Variants in GALNTL6 observed in about 807,000 individuals in gnomAD.
GALNTL6 encodes polypeptide N-acetylgalactosaminyltransferase like 6, also known as polypeptide N-acetylgalactosaminyltransferase-like 6.
GALNTL6 carries 46 observed loss-of-function variants against 73.7 expected under a neutral mutation model. The observed-to-expected ratio is 0.62, with a 90% CI of 0.49 to 0.80. The LOEUF is 0.80. Ranked by LOEUF, GALNTL6 falls within the 30% of genes least tolerant of loss-of-function variation. The pLI is 0.00. For synonymous variants in GALNTL6, 259 were observed against 263.7 expected (o/e 0.98, Z 0.17); for missense variants, 604 against 755.0 (o/e 0.80, Z 2.34).
chr4:172,844,757 A>G (rs1440291512), intron 7 of GALNTL6, among the ~76,000 whole-genome samples: 1 of 152,172 alleles, frequency 6.6e-6, no homozygotes, highest in East Asian at 1.9e-4. Flanking sequence ...CCACAGGTCA[A>G]TTATGCAAGC....
intron 5 of GALNTL6, among the ~76,000 whole-genome samples, chr4:172,400,612 A>C (rs1024602780): frequency 1.3e-5 from 2 of 152,146 alleles, no homozygotes; most frequent in Non-Finnish European, 2.9e-5. Flanking sequence ...CATCATGTTT[A>C]GAAGGTGATG....
chr4:172,618,487 G>A (rs1738829650), intron 5 of GALNTL6, among the ~76,000 whole-genome samples: 1 of 151,956 alleles, frequency 6.6e-6, no homozygotes, highest in African/African-American at 2.4e-5. Context: ...TGCTTTCTTT[G>A]GTAATAAATT....
chr4:172,349,305 T>A (rs1741861624), intron 5 of GALNTL6, among the ~76,000 whole-genome samples: 1 of 152,140 alleles, frequency 6.6e-6, no homozygotes, highest in South Asian at 2.1e-4. Flanking sequence ...TAATTTACTT[T>A]CTATTGTATG....
chr4:172,656,524 A>G (rs1001761900), intron 5 of GALNTL6, among the ~76,000 whole-genome samples: 7 of 152,104 alleles, frequency 4.6e-5, no homozygotes, highest in Non-Finnish European at 1.0e-4. Flanking sequence ...ATTCCTGAGC[A>G]CCCCTTTTCT....
intron 5 of GALNTL6, among the ~76,000 whole-genome samples, chr4:172,746,145 A>G (rs534383764): frequency 6.6e-6 from 1 of 152,276 alleles, no homozygotes; most frequent in South Asian, 2.1e-4. Context: ...AAATTATTAT[A>G]GGCAATTATT....
At chr4:172,925,039 T>A (rs1200347928) in intron 8 of GALNTL6, among the ~76,000 whole-genome samples, 7 of 151,752 alleles carry the variant, frequency 4.6e-5, no homozygotes, top group Non-Finnish European at 1.0e-4. Flanking sequence ...GCCCGGCTAA[T>A]TTTTTTGTAT....
chr4:171,950,487 T>C (rs1738841869), intron 2 of GALNTL6, among the ~76,000 whole-genome samples: 1 of 148,594 alleles, frequency 6.7e-6, no homozygotes, highest in Admixed American at 6.7e-5. Flanking sequence ...CTTTTCTTTT[T>C]TTTTTTTTTT....
chr4:172,226,669 A>T (rs1736879919), intron 2 of GALNTL6, among the ~76,000 whole-genome samples: 1 of 150,722 alleles, frequency 6.6e-6, no homozygotes, highest in African/African-American at 2.4e-5. Context: ...TCCCTTATAC[A>T]GTTGGACTGG....
intron 3 of GALNTL6, among the ~76,000 whole-genome samples, chr4:172,291,407 C>T (rs543252964): frequency 1.6e-4 from 24 of 152,100 alleles, no homozygotes; most frequent in African/African-American, 5.5e-4. Context: ...GATTCCTGCT[C>T]CATTTCACAT....
chr4:172,803,144 G>A (rs1560963163), intron 5 of GALNTL6, among the ~76,000 whole-genome samples: 1 of 152,182 alleles, frequency 6.6e-6, no homozygotes, highest in East Asian at 1.9e-4. Context: ...AGAATAAACA[G>A]CCTGATCCTT....
chr4:172,616,378 C>T (rs1738731935), intron 5 of GALNTL6, among the ~76,000 whole-genome samples: 1 of 152,014 alleles, frequency 6.6e-6, no homozygotes, highest in Non-Finnish European at 1.5e-5. Context: ...TGAACATCTG[C>T]AGAGGGAGAC....
chr4:172,053,695 A>C (rs1056762671), intron 2 of GALNTL6, among the ~76,000 whole-genome samples: 4 of 152,156 alleles, frequency 2.6e-5, no homozygotes, highest in Non-Finnish European at 5.9e-5. Context: ...CATACACTTC[A>C]ATCAGAAAGA....
intron 2 of GALNTL6, among the ~76,000 whole-genome samples, chr4:172,131,702 G>C (rs950426234): frequency 6.6e-6 from 1 of 151,716 alleles, no homozygotes; most frequent in Non-Finnish European, 1.5e-5. Flanking sequence ...ATATTTAGCT[G>C]TAGATTCTTT....
chr4:172,058,100 C>T (rs1731082423), intron 2 of GALNTL6, among the ~76,000 whole-genome samples: 1 of 92,312 alleles, frequency 1.1e-5, no homozygotes. Flanking sequence ...AATCTGTCAC[C>T]CAGGCTGAAG....
rs139209163 is a variant in GALNTL6 at position 172,415,799 on chromosome 4, C to T, written c.553+67110C>T. On this transcript the variant is annotated intron_variant, in intron 5 of 12. Transcript: ENST00000506823. ...ATTGAGCAAGCAGTGGGTACGTGACCGGGGGCTGCCTGCACCAGTAATCAG... is the reference window on the plus strand; with the variant it reads ...ATTGAGCAAGCAGTGGGTACGTGACTGGGGGCTGCCTGCACCAGTAATCAG... Among the ~76,000 whole-genome samples the T allele has an allele frequency of 1.9e-3, 294 of 152,100 alleles. 1 individual carries two copies. Among genetic ancestry groups the T allele is most frequent in the African/African-American group, 6.8e-3 (282 of 41,482 alleles).
chr4:171,818,821 A>G (rs1734601824), intron 2 of GALNTL6, among the ~76,000 whole-genome samples: 1 of 152,028 alleles, frequency 6.6e-6, no homozygotes, highest in Admixed American at 6.6e-5. Context: ...AAAAATTCTG[A>G]AAAGGATACC....
intron 2 of GALNTL6, among the ~76,000 whole-genome samples, chr4:172,191,594 G>A (rs1025404124): frequency 3.9e-5 from 6 of 152,162 alleles, no homozygotes; most frequent in Admixed American, 2.6e-4. Context: ...TGAAATGCAT[G>A]ACTTAATGTC....
Position 172,551,920 on chromosome 4 carries a change from T to C in GALNTL6, c.553+203231T>C, listed in dbSNP as rs181083200. Among the ~76,000 whole-genome samples the C allele has an allele frequency of 1.5e-3, 227 of 152,184 alleles. 1 individual carries two copies. The highest frequency in any genetic ancestry group is 2.6e-3 in the Non-Finnish European group (175 of 67,968). On this transcript the variant is annotated intron_variant, in intron 5 of 12. Coordinates refer to ENST00000506823, the MANE Select transcript of GALNTL6 (RefSeq NM_001034845.3). Reference sequence around the variant, plus strand: ...GCAAGAATGTAAAGAAAAATTCAAGTGTGCAAGAGTTTAACCCAAGCTGAT... The same window carrying C: ...GCAAGAATGTAAAGAAAAATTCAAGCGTGCAAGAGTTTAACCCAAGCTGAT...
intron 2 of GALNTL6, among the ~76,000 whole-genome samples, chr4:172,192,449 A>C (rs1735616876): frequency 6.6e-6 from 1 of 152,014 alleles, no homozygotes; most frequent in South Asian, 2.1e-4. Context: ...CGAAAACGGC[A>C]AGTGAATCCT....
Sources: gnomAD v4.1 joint callset for allele counts (sites outside exome capture counted in the v4.1 genomes callset) on GRCh38, gnomAD v4.1.1 for gene constraint, MANE v1.5 for transcripts, NCBI Gene and HGNC (gene_info 2026-07-23, HGNC 2026-07-21) for gene names.